Variants in SPTAN1 observed in about 807,000 individuals in gnomAD.
SPTAN1 encodes the protein spectrin alpha, non-erythrocytic 1.
A neutral mutation model predicts 331.3 loss-of-function variants in SPTAN1; 61 were observed. The observed-to-expected ratio is 0.18, with a 90% CI of 0.15 to 0.23. The LOEUF (loss-of-function observed/expected upper bound fraction) is 0.23, where lower values mean the gene tolerates loss of function less well. Among genes scored for constraint, SPTAN1 ranks in the 10% least tolerant of loss-of-function variants. The probability of loss-of-function intolerance (pLI) is 1.00; values close to 1 mark genes in which losing one functional copy is unlikely to be tolerated. For missense variants in SPTAN1, 2,043 were observed against 3,147.9 expected (o/e 0.65, Z 8.40); for synonymous variants, 1,153 against 1,173.9 (o/e 0.98, Z 0.36).
chr9:128,559,511 C>T (rs1057012969), intron 1 of SPTAN1, among the ~76,000 whole-genome samples: 1 of 152,202 alleles, frequency 6.6e-6, no homozygotes, highest in South Asian at 2.1e-4. Context: ...AGACTGCCAT[C>T]TCTTTCAGGA....
rs188013732 is a variant in SPTAN1, at chr9:128,561,835, G to A, written c.-3-4903G>A. On this transcript the variant is annotated intron_variant, in intron 1 of 56. Coordinates refer to ENST00000372739, the MANE Select transcript of SPTAN1 (RefSeq NM_001130438.3). Reference sequence around the variant, plus strand: ...TCTCCCAACTACTTAATTATAAAACGATGGCAGTTTCTTTATTTCCAAGCT... The same window carrying A: ...TCTCCCAACTACTTAATTATAAAACAATGGCAGTTTCTTTATTTCCAAGCT... Among the ~76,000 whole-genome samples the A allele has an allele frequency of 2.3e-3, 356 of 152,018 alleles. 1 individual carries two copies. Among genetic ancestry groups the A allele is most frequent in the Non-Finnish European group, 4.3e-3 (292 of 67,970 alleles).
At chr9:128,630,220 ATG>A in intron 51 of SPTAN1, 99 bp from the exon 52 acceptor site, 1 of 1,284,884 alleles carries the variant, frequency 7.8e-7, no homozygotes, top group East Asian at 2.3e-5. Flanking sequence ...CTTAAAAGGA[ATG>A]TGAGGTTGCC....
At chr9:128,588,770 C>T (rs577918700) in intron 20 of SPTAN1, 39 bp from the exon 21 acceptor site, 54 of 1,612,688 alleles carry the variant, frequency 3.3e-5, no homozygotes, top group Middle Eastern at 3.4e-4. Flanking sequence ...TCAGCGCGGA[C>T]GTGTTTTTAC....
Position 128,594,250 on chromosome 9 carries a change from C to G in SPTAN1, c.3291C>G (p.Phe1097Leu). ...AGAGTTGCAAGAAGTTTATGTTGTT[C>G]CGTGAAGCGAATGAACTACAGCAAT... The part of the protein sequence containing the change: ...LEKSCKKFML[F>L]REANELQQWI... Residue 1097 changes from phenylalanine (F) to leucine (L), a missense_variant, in exon 24 of 57, where the codon TTC becomes TTG. Coordinates refer to ENST00000372739, the MANE Select transcript of SPTAN1 (RefSeq NM_001130438.3). 2 of 1,613,982 alleles carry G rather than the reference C, an allele frequency of 1.2e-6. No individual in the cohort carries two copies. Among genetic ancestry groups the G allele is most frequent in the Non-Finnish European group, 1.7e-6 (2 of 1,180,000 alleles).
rs577918713 is a variant in SPTAN1 at position 128,581,933 on chromosome 9, A to G, written c.1572+41A>G. 22 of 1,375,048 alleles carry G rather than the reference A, an allele frequency of 1.6e-5. No homozygotes were observed. The Admixed American group carries it at 2.8e-4, about 18-fold the overall frequency. 85.2% of individuals were successfully genotyped at this position (1,375,048 alleles called of 1,614,324 possible). On this transcript the variant is annotated intron_variant, in intron 12 of 56. Coordinates refer to ENST00000372739, the MANE Select transcript of SPTAN1 (RefSeq NM_001130438.3). Reference sequence around the variant, plus strand: ...GTCAGTGCTTTCAAATGACCCTTATAGTAAGCCAGAGTCTTTTTCCCTGGA... The same window carrying G: ...GTCAGTGCTTTCAAATGACCCTTATGGTAAGCCAGAGTCTTTTTCCCTGGA...
At chr9:128,633,102 C>G (rs1260095746) in intron 56 of SPTAN1, 107 bp from the exon 57 acceptor site, 9 of 1,596,716 alleles carry the variant, frequency 5.6e-6, no homozygotes, top group African/African-American at 1.3e-5. Context: ...AGTCCCGGAT[C>G]TGCTTGTAGA....
Position 128,627,457 on chromosome 9 carries a change from C to G in SPTAN1, c.6648C>G (p.Ala2216=), listed in dbSNP as rs1858941292. 1.3e-6 allele frequency: 2 copies of G among 1,551,154 alleles called. No individual in the cohort carries two copies. Among genetic ancestry groups the G allele is most frequent in the Non-Finnish European group, 1.7e-6 (2 of 1,147,044 alleles). Residue 2216 remains alanine, a synonymous_variant, in exon 50 of 57, where the codon GCC becomes GCG. Coordinates refer to ENST00000372739, the MANE Select transcript of SPTAN1 (RefSeq NM_001130438.3). The surrounding 1 kb of genome is among the most constrained non-coding windows in gnomAD (Gnocchi z 4.9). The part of the protein sequence containing the change: ...EENDKLRQEF[A]QHANAFHQWI... ...ACGACAAGCTGCGCCAGGAGTTTGCCCAGCACGCCAACGCCTTCCACCAGT... is the reference window on the plus strand; with the variant it reads ...ACGACAAGCTGCGCCAGGAGTTTGCGCAGCACGCCAACGCCTTCCACCAGT...
intron 1 of SPTAN1, among the ~76,000 whole-genome samples, chr9:128,565,763 A>G (rs371997163): frequency 1.3e-5 from 2 of 152,222 alleles, no homozygotes; most frequent in Non-Finnish European, 2.9e-5. Context: ...AGGGTAACAC[A>G]ATTTTATACC....
intron 2 of SPTAN1, among the ~76,000 whole-genome samples, chr9:128,568,043 T>C (rs1211524141): frequency 6.6e-6 from 1 of 152,242 alleles, no homozygotes; most frequent in Non-Finnish European, 1.5e-5. Context: ...ATTACAGGCG[T>C]GAGCCAATGC....
At chr9:128,583,612 A>G (rs938165628) in intron 15 of SPTAN1, among the ~76,000 whole-genome samples, 176 bp from the exon 16 acceptor site, 1 of 152,190 alleles carries the variant, frequency 6.6e-6, no homozygotes, top group African/African-American at 2.4e-5. Flanking sequence ...CTTCCAGTTC[A>G]ACCTTGAGAA....
At position 128,594,804 on chromosome 9, in the gene SPTAN1, CTTTTTTTTTTTTTTTTTTTCAAT is replaced by C. The variant is rs1428835533; in HGVS notation, c.3414+444_3414+466del. 5.5e-5 allele frequency among the ~76,000 whole-genome samples: 5 copies of C among 90,570 alleles called. No homozygotes were observed. In the East Asian group the frequency reaches 9.7e-4, roughly 18 times the overall value. The allele number at this position is 90,570 out of a possible 152,430, so 59.4% of individuals were successfully genotyped here. A position where few individuals can be genotyped will look rare whatever the true frequency, so the allele number is the denominator to read the frequency against. ...AGATTATATTCCATCATGTATGTAG[CTTTTTTTTTTTTTTTTTTTCAAT>C]TTTTTTTTTTTTCCTTTTGAGACAG... On this transcript the variant is annotated intron_variant, in intron 24 of 56. Transcript: ENST00000372739.
At position 128,629,928 on chromosome 9, in the gene SPTAN1, C is replaced by T. The variant is rs1273575597; in HGVS notation, c.6708-393C>T. 8.3e-6 allele frequency: 3 copies of T among 360,124 alleles called. No homozygotes were observed. Among genetic ancestry groups the T allele is most frequent in the South Asian group, 4.3e-5 (2 of 46,228 alleles). The allele number at this position is 360,124 out of a possible 1,614,324, so 22.3% of individuals were successfully genotyped here. On this transcript the variant is annotated intron_variant, in intron 51 of 56. Coordinates refer to ENST00000372739, the MANE Select transcript of SPTAN1 (RefSeq NM_001130438.3). This position sits in a 1 kb window ranked among gnomAD's most constrained non-coding sequence, Gnocchi z 4.9. Reference sequence around the variant, plus strand: ...GGCTGTCAGGTTCTCAGCCTCCCCTCTGCCCTGAGGTCTCCTGTCTGTCAG... The same window carrying T: ...GGCTGTCAGGTTCTCAGCCTCCCCTTTGCCCTGAGGTCTCCTGTCTGTCAG...
At position 128,630,324 on chromosome 9, in the gene SPTAN1, C is replaced by G. The variant is rs151012062; in HGVS notation, c.6711C>G (p.Ser2237=). 12 of 1,613,464 alleles carry G rather than the reference C, an allele frequency of 7.4e-6. No homozygotes were observed. Among genetic ancestry groups the G allele is most frequent in the Middle Eastern group, 1.8e-4 (1 of 5,674 alleles). The change falls in exon 52 of 57, where the codon TCC becomes TCG. Residue 2237 remains serine (S), a synonymous_variant. Transcript: ENST00000372739. ...CTCACTGTCCTTCCACGTTTAGGTC[C>G]TGTATGGTGGAAGAGTCGGGGACCC... ...QETRTYLLDG[S]CMVEESGTLE...
At chr9:128,610,224 C>T (rs1856414415) in intron 37 of SPTAN1, among the ~76,000 whole-genome samples, 1 of 152,160 alleles carries the variant, frequency 6.6e-6, no homozygotes, top group Admixed American at 6.5e-5. Flanking sequence ...GCAGACATCA[C>T]TCAACAGGTA....
intron 46 of SPTAN1, chr9:128,624,799 G>A (rs1858483486): frequency 1.8e-6 from 1 of 567,344 alleles, no homozygotes; most frequent in Non-Finnish European, 3.1e-6. Context: ...TAGCTGCCCT[G>A]GTCAGGGGCG....
intron 27 of SPTAN1, among the ~76,000 whole-genome samples, chr9:128,600,904 C>T (rs1204974830): frequency 6.7e-6 from 1 of 150,174 alleles, no homozygotes; most frequent in Non-Finnish European, 1.5e-5. Flanking sequence ...CTCAGGTGAT[C>T]TGCCTGCCTC....
At chr9:128,623,449 T>C (rs1858214085) in intron 45 of SPTAN1, among the ~76,000 whole-genome samples, 1 of 151,260 alleles carries the variant, frequency 6.6e-6, no homozygotes, top group African/African-American at 2.4e-5. Context: ...AACTTCAAAT[T>C]TCAGCCCATT....
At position 128,580,970 on chromosome 9, in the gene SPTAN1, C is replaced by G; in HGVS notation, c.1372C>G (p.Leu458Val). Residue 458 changes from leucine (L) to valine (V), a missense_variant, in exon 11 of 57, where the codon CTG becomes GTG. Leu to Val is a conservative substitution (Grantham distance 32). Coordinates refer to ENST00000372739, the MANE Select transcript of SPTAN1 (RefSeq NM_001130438.3). ...ERAALLELWELRRQQYEQCMD... is the reference protein window; with the variant it reads ...ERAALLELWEVRRQQYEQCMD... ...AGCGGCGCTGCTGGAGCTGTGGGAG[C>G]TGCGCAGGCAGCAGTACGAGCAGTG... 6.2e-7 allele frequency: 1 copy of G among 1,613,910 alleles called. No homozygotes were observed. The highest frequency in any genetic ancestry group is 8.5e-7 in the Non-Finnish European group (1 of 1,180,048).
In SPTAN1 at chr9:128,626,353, C is replaced by T. The variant is rs994265682; in HGVS notation, c.6280-38C>T. 6 of 1,610,264 alleles carry T rather than the reference C, an allele frequency of 3.7e-6. No homozygotes were observed. In the Admixed American group the frequency reaches 5.0e-5, roughly 13 times the overall value. On this transcript the variant is annotated intron_variant, in intron 48 of 56. Coordinates refer to ENST00000372739, the MANE Select transcript of SPTAN1 (RefSeq NM_001130438.3). ...CCTGCACTGCGTCGGCACGTCCAGC[C>T]CTGGCGACTCCGCCAACTCAGTCTC...
Sources: allele counts gnomAD v4.1 joint callset (sites outside exome capture counted in the v4.1 genomes callset), GRCh38; gene constraint gnomAD v4.1.1; non-coding constraint Gnocchi (gnomAD v3.1); transcripts MANE v1.5; gene names NCBI Gene and HGNC (gene_info 2026-07-23, HGNC 2026-07-21).